The following SHPRH variants were observed in gnomAD, a reference collection of about 807,000 sequenced individuals.
The protein encoded by SHPRH is SNF2 histone linker PHD RING helicase.
Under a neutral mutation model 202.5 loss-of-function variants are expected in SHPRH, and 106 were observed. The ratio of observed to expected loss-of-function variants is 0.52; its 90% CI spans 0.45 to 0.62. SHPRH has a LOEUF of 0.62. SHPRH is among the 20% of genes least tolerant of loss of function. The pLI is 0.00. For synonymous variants in SHPRH, 729 were observed against 686.0 expected, an observed-to-expected ratio of 1.06 and a Z score of -0.98; for missense variants, 1,710 against 2,020.0, an observed-to-expected ratio of 0.85 and a Z score of 2.94.
In SHPRH at chr6:145,945,583, A is replaced by G; in HGVS notation, c.1376T>C (p.Val459Ala). 1.2e-6 allele frequency: 2 copies of G among 1,612,622 alleles called. No individual in the cohort carries two copies. Among genetic ancestry groups the G allele is most frequent in the Admixed American group, 1.7e-5 (1 of 59,800 alleles). The change falls in exon 8 of 30, where the codon GTG (valine) becomes GCG (alanine). Residue 459 changes from valine to alanine, a missense_variant. Around this residue, in one of 8 missense-constraint regions of SHPRH, gnomAD observed 348 missense variants for 356.9 expected, o/e 0.97. Transcript: ENST00000275233. ...ATACTTATAGATGGAAAGGATGGAC[A>G]CTCCTTTTTTTCCATTCATTTCTTT... ...AVKEMNGKKG[V>A]SILSIYKYVS...
intron 25 of SHPRH, chr6:145,907,495 TAAATAA>T (rs1232242989): frequency 6.6e-6 from 1 of 152,140 alleles, no homozygotes; most frequent in Admixed American, 6.6e-5. Context: ...GCTTTCTCCT[TAAATAA>T]AAATAAAATT....
intron 11 of SHPRH, among the ~76,000 whole-genome samples, chr6:145,937,841 G>A (rs545941521): frequency 1.3e-5 from 2 of 152,204 alleles, no homozygotes; most frequent in South Asian, 4.2e-4. Context: ...TAATGTTTCA[G>A]ATCACAGCTC....
intron 11 of SHPRH, among the ~76,000 whole-genome samples, chr6:145,940,522 C>T (rs768659435): frequency 2.6e-5 from 4 of 151,912 alleles, no homozygotes; most frequent in Non-Finnish European, 5.9e-5. Context: ...TAATATATAT[C>T]GGTCCTCATA....
chr6:145,904,014 G>T (rs1267718281), intron 25 of SHPRH: 1 of 152,034 alleles, frequency 6.6e-6, no homozygotes, highest in Non-Finnish European at 1.5e-5. Flanking sequence ...CAGGACATTT[G>T]TGATCCCAGT....
At chr6:145,859,273 TG>T (rs1374493890), downstream of SHPRH, among the ~76,000 whole-genome samples, 2 of 152,022 alleles carry the variant, frequency 1.3e-5, no homozygotes, top group Non-Finnish European at 2.9e-5. Flanking sequence ...TAATTTTCTC[TG>T]GAAGTTTAGT....
chr6:145,950,436 T>A lies in SHPRH; in HGVS notation c.810A>T (p.Gly270=), dbSNP rs750999324. Reference sequence around the variant, plus strand: ...AGTGATACAGCTCGTCAATGTCTTGTCCCTCTGGCTCACTCTCCGGATCAT... The same window carrying A: ...AGTGATACAGCTCGTCAATGTCTTGACCCTCTGGCTCACTCTCCGGATCAT... ...DEDDPESEPE[G]QDIDELYHFV... is the part of the protein sequence containing the mutation. Residue 270 remains glycine, a synonymous_variant, in exon 4 of 30, where the codon GGA becomes GGT. Coordinates refer to ENST00000275233, the MANE Select transcript of SHPRH (RefSeq NM_001042683.3). The A allele has an allele frequency of 6.2e-7, 1 of 1,613,186 alleles. No individual in the cohort carries two copies. The highest frequency in any genetic ancestry group is 1.1e-5 in the South Asian group (1 of 91,072).
At chr6:145,945,806 C>A in intron 7 of SHPRH, 169 bp from the exon 8 acceptor site, 1 of 634,536 alleles carries the variant, frequency 1.6e-6, no homozygotes. Flanking sequence ...TGTATCTCAG[C>A]ATATTAAGAA....
intron 16 of SHPRH, 48 bp downstream of exon 16, chr6:145,926,156 A>C (rs1784859393): frequency 6.7e-7 from 1 of 1,501,396 alleles, no homozygotes; most frequent in Non-Finnish European, 9.3e-7. Flanking sequence ...TGGAGCATAA[A>C]GTTTGAAGAA....
At chr6:145,917,903 T>A (rs1784093442) in intron 23 of SHPRH, 3 of 349,534 alleles carry the variant, frequency 8.6e-6, no homozygotes, top group African/African-American at 2.1e-5. Flanking sequence ...TTTACATTGT[T>A]CTCTACTATC....
intron 25 of SHPRH, among the ~76,000 whole-genome samples, chr6:145,902,015 TACA>T (rs1782546912): frequency 6.6e-6 from 1 of 152,102 alleles, no homozygotes; most frequent in African/African-American, 2.4e-5. Flanking sequence ...ATGGGAGACA[TACA>T]AAGTGTTACC....
intron 2 of SHPRH, among the ~76,000 whole-genome samples, chr6:145,876,285 GAT>G: frequency 6.6e-6 from 1 of 152,054 alleles, no homozygotes; most frequent in African/African-American, 2.4e-5. Context: ...AAGGCAGGAG[GAT>G]CATTTAAGCC....
intron 14 of SHPRH, among the ~76,000 whole-genome samples, chr6:145,929,047 T>G (rs915320646): frequency 6.6e-6 from 1 of 151,918 alleles, no homozygotes; most frequent in Admixed American, 6.6e-5. Context: ...ATAATTACCA[T>G]ACCTTTTAAA....
At chr6:145,936,788 A>G (rs1786116822) in intron 11 of SHPRH, among the ~76,000 whole-genome samples, 1 of 152,174 alleles carries the variant, frequency 6.6e-6, no homozygotes, top group Admixed American at 6.5e-5. Flanking sequence ...AGTTACCTTG[A>G]TGGTTGCTGG....
At chr6:145,908,746 CTCTT>C (rs1783204333) in intron 25 of SHPRH, 1 of 152,024 alleles carries the variant, frequency 6.6e-6, no homozygotes, top group Admixed American at 6.6e-5. Flanking sequence ...TCTGCAGAAG[CTCTT>C]TAATTAGATT....
intron 28 of SHPRH, among the ~76,000 whole-genome samples, chr6:145,889,118 C>G (rs1473029813): frequency 6.6e-6 from 1 of 152,046 alleles, no homozygotes; most frequent in Non-Finnish European, 1.5e-5. Flanking sequence ...ATATATGCAC[C>G]TGGGACAGGA....
intron 28 of SHPRH, among the ~76,000 whole-genome samples, chr6:145,888,517 C>T (rs564277524): frequency 5.3e-5 from 8 of 152,228 alleles, no homozygotes; most frequent in Non-Finnish European, 7.4e-5. Flanking sequence ...GCTGGCATGG[C>T]AGAAGCATCC....
intron 22 of SHPRH, chr6:145,918,907 G>A (rs1351311713): frequency 6.5e-6 from 1 of 154,076 alleles, no homozygotes; most frequent in African/African-American, 2.4e-5. Flanking sequence ...CAAAGACAAA[G>A]TTATTAGAAG....
At chr6:145,901,262 T>A (rs1345158759) in intron 25 of SHPRH, among the ~76,000 whole-genome samples, 1 of 152,118 alleles carries the variant, frequency 6.6e-6, no homozygotes, top group African/African-American at 2.4e-5. Context: ...GCAATTGAAA[T>A]GAATGTTTTA....
chr6:145,918,099 T>G (rs780283693), intron 23 of SHPRH, 32 bp downstream of exon 23: 1 of 1,534,038 alleles, frequency 6.5e-7, no homozygotes, highest in African/African-American at 1.4e-5. Flanking sequence ...TAATGCAGCA[T>G]AGGAAAAAGT....
Sources: allele counts gnomAD v4.1 joint callset (sites outside exome capture counted in the v4.1 genomes callset), GRCh38; gene constraint gnomAD v4.1.1; regional missense constraint gnomAD v4.1.1; transcripts MANE v1.5; gene names NCBI Gene and HGNC (gene_info 2026-07-23, HGNC 2026-07-21).